The following TUSC3 variants were observed in gnomAD, a reference collection of about 807,000 sequenced individuals.
The protein encoded by TUSC3 is dolichyl-diphosphooligosaccharide--protein glycosyltransferase subunit TUSC3.
A neutral mutation model predicts 44.8 loss-of-function variants in TUSC3; 45 were observed. The ratio of observed to expected loss-of-function variants is 1.00; its 90% CI spans 0.79 to 1.29. The LOEUF is 1.29. Ranked by LOEUF, TUSC3 falls within the 50% of genes most tolerant of loss-of-function variation. The pLI, the probability that TUSC3 is intolerant of heterozygous loss-of-function variation, is 0.00. For synonymous variants in TUSC3, 212 were observed against 152.9 expected (o/e 1.39, Z -2.85); for missense variants, 519 against 437.9 (o/e 1.19, Z -1.65).
At chr8:15,783,351 T>C in the TUSC3 span, among the ~76,000 whole-genome samples, 930 of 152,318 alleles carry the variant, frequency 6.1e-3, 9 homozygotes, top group African/African-American at 0.021. Context: ...AGTGTCATTT[T>C]TCACAGAAAT....
At chr8:15,592,918 T>G (rs1803912362) in intron 1 of TUSC3, among the ~76,000 whole-genome samples, 1 of 152,146 alleles carries the variant, frequency 6.6e-6, no homozygotes, top group Non-Finnish European at 1.5e-5. Flanking sequence ...GGACTCAAAC[T>G]CAGGCGTTTT....
chr8:15,492,178 T>C (rs1800818361), intron 2 of TUSC3, among the ~76,000 whole-genome samples: 1 of 152,124 alleles, frequency 6.6e-6, no homozygotes, highest in South Asian at 2.1e-4. Context: ...GTGCAGGGGG[T>C]TGTGGAGCAC....
At chr8:15,494,526 C>T (rs1800854142) in intron 2 of TUSC3, among the ~76,000 whole-genome samples, 1 of 152,122 alleles carries the variant, frequency 6.6e-6, no homozygotes, top group Non-Finnish European at 1.5e-5. Context: ...ACTGTGTTAG[C>T]CAGGATGGTC....
intron 2 of TUSC3, among the ~76,000 whole-genome samples, chr8:15,485,563 C>T (rs28370339): frequency 0.027 from 4,042 of 148,562 alleles, 192 homozygotes; most frequent in African/African-American, 0.094. Flanking sequence ...CCTACAAACA[C>T]GAGCTAAACA....
chr8:15,629,995 C>T (rs1028567547), intron 2 of TUSC3, among the ~76,000 whole-genome samples: 3 of 142,918 alleles, frequency 2.1e-5, no homozygotes, highest in Non-Finnish European at 4.6e-5. Flanking sequence ...TCTCACCTCC[C>T]TTAAGTGTTA....
intron 2 of TUSC3, among the ~76,000 whole-genome samples, chr8:15,494,880 A>G (rs1800858806): frequency 6.6e-6 from 1 of 152,226 alleles, no homozygotes; most frequent in Non-Finnish European, 1.5e-5. Flanking sequence ...TAAAGAGCTC[A>G]TTCACCAAAT....
the TUSC3 span, among the ~76,000 whole-genome samples, chr8:15,779,612 G>C: frequency 6.6e-6 from 1 of 152,024 alleles, no homozygotes; most frequent in Non-Finnish European, 1.5e-5. Flanking sequence ...AATTTACATC[G>C]ATAATTACTG....
intron 2 of TUSC3, among the ~76,000 whole-genome samples, chr8:15,530,280 C>A (rs773065871): frequency 6.6e-6 from 1 of 152,070 alleles, no homozygotes; most frequent in Admixed American, 6.6e-5. Context: ...CAGATGAGGA[C>A]TTTGCCTATC....
At chr8:15,801,816 G>T in the TUSC3 span, among the ~76,000 whole-genome samples, 1 of 152,146 alleles carries the variant, frequency 6.6e-6, no homozygotes, top group Non-Finnish European at 1.5e-5. Flanking sequence ...TTGTAGCCGG[G>T]TATAAATAGG....
rs147418372 is a variant in TUSC3 at position 15,457,915 on chromosome 8, T to C, written n.92-25471T>C. On this transcript the variant is annotated intron_variant and non_coding_transcript_variant, in intron 1 of 5. Transcript: ENST00000503191. ...ATTAATTAGATAATTACTAATTGAA[T>C]AATAATTAGTACTCCAATGATGAAT... 7.3e-3 allele frequency among the ~76,000 whole-genome samples: 1,096 copies of C among 149,294 alleles called. 63 individuals are homozygous for C. The East Asian group carries it at 0.16, about 22-fold the overall frequency.
intron 1 of TUSC3, among the ~76,000 whole-genome samples, chr8:15,611,320 G>T (rs561945832): frequency 1.8e-4 from 27 of 152,092 alleles, no homozygotes; most frequent in Non-Finnish European, 3.7e-4. Flanking sequence ...CCAAGTAGCT[G>T]AGATTACAGG....
chr8:15,681,450 T>C (rs1199761177), intron 6 of TUSC3, among the ~76,000 whole-genome samples: 1 of 151,986 alleles, frequency 6.6e-6, no homozygotes, highest in African/African-American at 2.4e-5. Flanking sequence ...ATTTTCTAGT[T>C]TTTGTGCAAC....
intron 6 of TUSC3, among the ~76,000 whole-genome samples, chr8:15,694,563 T>A (rs1412397221): frequency 6.6e-6 from 1 of 152,064 alleles, no homozygotes; most frequent in Non-Finnish European, 1.5e-5. Context: ...CGTGGGCTGA[T>A]GTCCCTTCAG....
intron 1 of TUSC3, among the ~76,000 whole-genome samples, chr8:15,459,875 TATACATACATACATAC>T (rs139425502): frequency 6.7e-6 from 1 of 148,180 alleles, no homozygotes; most frequent in African/African-American, 2.6e-5. Flanking sequence ...TGTGTGTGTG[TATACATACATACATAC>T]ATACATACAT....
intron 1 of TUSC3, among the ~76,000 whole-genome samples, chr8:15,473,192 A>T (rs912127030): frequency 2.6e-5 from 4 of 152,172 alleles, no homozygotes; most frequent in African/African-American, 7.2e-5. Flanking sequence ...CACCATGGTG[A>T]GTTGTCAATA....
chr8:15,630,121 A>G (rs1805693215), intron 2 of TUSC3, among the ~76,000 whole-genome samples: 1 of 152,158 alleles, frequency 6.6e-6, no homozygotes, highest in African/African-American at 2.4e-5. Flanking sequence ...GTTTATTACA[A>G]AATCTAAGTA....
At chr8:15,592,222 A>T (rs1803873327) in intron 1 of TUSC3, among the ~76,000 whole-genome samples, 1 of 152,240 alleles carries the variant, frequency 6.6e-6, no homozygotes, top group Non-Finnish European at 1.5e-5. Context: ...TCAGAAATTC[A>T]GTTTGGATCT....
intron 2 of TUSC3, among the ~76,000 whole-genome samples, chr8:15,645,821 A>G (rs1396955988): frequency 2.0e-5 from 3 of 152,050 alleles, no homozygotes; most frequent in Non-Finnish European, 4.4e-5. Flanking sequence ...TCCCCTCAAC[A>G]CCATAACTAA....
At chr8:15,720,201 T>TATACACACACACACACACAC (rs369753796) in intron 6 of TUSC3, among the ~76,000 whole-genome samples, 25 of 141,694 alleles carry the variant, frequency 1.8e-4, no homozygotes, top group Non-Finnish European at 3.2e-4. Flanking sequence ...TATATATATA[T>TATACACACACACACACACAC]ACACACACAC....
Sources: allele counts gnomAD v4.1 joint callset (sites outside exome capture counted in the v4.1 genomes callset), GRCh38; gene constraint gnomAD v4.1.1; transcripts MANE v1.5; gene names NCBI Gene and HGNC (gene_info 2026-07-23, HGNC 2026-07-21).